ITSN2: variants seen among roughly 807,000 people sequenced by gnomAD.
ITSN2 encodes intersectin 2.
A neutral mutation model predicts 243.7 loss-of-function variants in ITSN2; 156 were observed. The ratio of observed to expected loss-of-function variants is 0.64; its 90% CI spans 0.56 to 0.73. The LOEUF is 0.73. Among genes scored for constraint, ITSN2 ranks in the 30% least tolerant of loss-of-function variants. The probability of loss-of-function intolerance (pLI) is 0.00; values close to 1 mark genes in which losing one functional copy is unlikely to be tolerated. For synonymous variants in ITSN2, 703 were observed against 699.9 expected (o/e 1.00, Z -0.07); for missense variants, 1,801 against 1,996.1 (o/e 0.90, Z 1.86).
intron 31 of ITSN2, among the ~76,000 whole-genome samples, chr2:24,217,008 C>T (rs1670022512): frequency 6.6e-6 from 1 of 151,684 alleles, no homozygotes; most frequent in African/African-American, 2.4e-5. Context: ...GGCGTGAACC[C>T]GGGAGGCGGA....
Position 24,249,790 on chromosome 2 carries a change from C to T in ITSN2, c.3121-908G>A, listed in dbSNP as rs1247980166. Among the ~76,000 whole-genome samples, 5 of 152,222 alleles carry T rather than the reference C, an allele frequency of 3.3e-5. No homozygotes were observed. The highest frequency in any genetic ancestry group is 1.3e-4 in the Admixed American group (2 of 15,284). The stretch of plus-strand genomic sequence containing the variant: ...CAACCCAGGCAGTCTGATTCTACTA[C>T]ACCAATGGCTCTCAGCATGTGGTTT... On this transcript the variant is annotated intron_variant, in intron 25 of 39. Coordinates refer to ENST00000355123, the MANE Select transcript of ITSN2 (RefSeq NM_006277.3). This position sits in a 1 kb window ranked among gnomAD's most constrained non-coding sequence, Gnocchi z 4.4.
chr2:24,212,528 G>A (rs773487006), intron 33 of ITSN2, 122 bp downstream of exon 33: 2 of 678,784 alleles, frequency 2.9e-6, no homozygotes, highest in Non-Finnish European at 5.0e-6. Context: ...GATCACTTGT[G>A]CGGTGTCACA....
intron 17 of ITSN2, among the ~76,000 whole-genome samples, chr2:24,278,833 G>A (rs182731637): frequency 6.6e-6 from 1 of 151,818 alleles, no homozygotes; most frequent in African/African-American, 2.4e-5. Flanking sequence ...TGCATTTTTA[G>A]TAGAGACGGG....
At chr2:24,245,454 G>A (rs1364726144) in intron 29 of ITSN2, among the ~76,000 whole-genome samples, 1 of 151,918 alleles carries the variant, frequency 6.6e-6, no homozygotes, top group African/African-American at 2.4e-5. Flanking sequence ...TTTTGAATAG[G>A]TGAATAGGGT....
At chr2:24,339,825 A>G (rs1686847396) in intron 1 of ITSN2, among the ~76,000 whole-genome samples, 2 of 152,094 alleles carry the variant, frequency 1.3e-5, no homozygotes, top group South Asian at 4.2e-4. Flanking sequence ...CTAGGAGCTC[A>G]AGACTAGCCT....
intron 28 of ITSN2, 103 bp from the exon 29 acceptor site, chr2:24,246,423 T>C: frequency 1.6e-6 from 1 of 611,622 alleles, no homozygotes; most frequent in Non-Finnish European, 2.5e-6. Context: ...TAATATTAAA[T>C]ATTAAAATTA....
Position 24,301,209 on chromosome 2 carries a change from T to C in ITSN2, c.1026A>G (p.Gly342=). The C allele has an allele frequency of 6.2e-7, 1 of 1,609,090 alleles. No individual in the cohort carries two copies. Among genetic ancestry groups the C allele is most frequent in the Non-Finnish European group, 8.5e-7 (1 of 1,176,986 alleles). The change falls in exon 11 of 40, where the codon GGA becomes GGG. Residue 342 remains glycine (G), a synonymous_variant. Coordinates refer to ENST00000355123, the MANE Select transcript of ITSN2 (RefSeq NM_006277.3). ...GCATTTTCTGATATGAAGGCAGAGT[T>C]CCATTAATGGAATCAATTTGCTTTC... ...RGGKQIDSIN[G]TLPSYQKMQE...
intron 29 of ITSN2, among the ~76,000 whole-genome samples, chr2:24,226,034 T>G (rs1670997961): frequency 6.6e-6 from 1 of 152,228 alleles, no homozygotes; most frequent in South Asian, 2.1e-4. Context: ...ACATTACACA[T>G]CGTCTAACTG....
chr2:24,257,744 A>T, intron 23 of ITSN2, 144 bp downstream of exon 23: 1 of 686,206 alleles, frequency 1.5e-6, no homozygotes, highest in Non-Finnish European at 2.4e-6. Flanking sequence ...GGTGTGAGCC[A>T]CCACGGCCGG....
intron 5 of ITSN2, 80 bp from the exon 6 acceptor site, chr2:24,310,772 G>A: frequency 9.2e-7 from 1 of 1,089,846 alleles, no homozygotes; most frequent in Non-Finnish European, 1.4e-6. Flanking sequence ...TTACAGTACA[G>A]TGGGCAGACT....
At chr2:24,224,790 C>G (rs1013574107) in intron 29 of ITSN2, among the ~76,000 whole-genome samples, 6 of 152,182 alleles carry the variant, frequency 3.9e-5, no homozygotes, top group African/African-American at 1.4e-4. Flanking sequence ...CCACCACACC[C>G]AGCTAATTTT....
intron 37 of ITSN2, among the ~76,000 whole-genome samples, chr2:24,206,785 C>T (rs1363127422): frequency 6.6e-6 from 1 of 152,078 alleles, no homozygotes; most frequent in Non-Finnish European, 1.5e-5. Flanking sequence ...CAAGCAGAGG[C>T]AACAGAGGAT....
chr2:24,328,098 T>C lies in ITSN2; in HGVS notation c.-16A>G. The C allele has an allele frequency of 6.2e-7, 1 of 1,613,698 alleles. No homozygotes were observed. On this transcript the variant is annotated 5_prime_UTR_variant, in exon 2 of 40. Coordinates refer to ENST00000355123, the MANE Select transcript of ITSN2 (RefSeq NM_006277.3). ...GAGCCATCATGGTCCTGAGTTTTCC[T>C]TGCTAGCTCTCAGCCATCTGCAACA...
Position 24,257,954 on chromosome 2 carries a change from C to G in ITSN2, c.2822G>C (p.Gly941Ala). Residue 941 changes from glycine to alanine, a missense_variant, in exon 23 of 40, where the codon GGA becomes GCA. Gly to Ala is a moderately conservative substitution (Grantham distance 60). Coordinates refer to ENST00000355123, the MANE Select transcript of ITSN2 (RefSeq NM_006277.3). ...QENWWFGEVHGGRGWFPKSYV... is the reference protein window; with the variant it reads ...QENWWFGEVHAGRGWFPKSYV... Reference sequence around the variant, plus strand: ...AGATTTGGGAAACCATCCTCTTCCTCCATGCACCTCCCCAAACCACCAATT... The same window carrying G: ...AGATTTGGGAAACCATCCTCTTCCTGCATGCACCTCCCCAAACCACCAATT... The G allele has an allele frequency of 6.2e-7, 1 of 1,614,132 alleles. No individual in the cohort carries two copies.
chr2:24,319,503 T>C (rs1684303385), intron 2 of ITSN2, among the ~76,000 whole-genome samples: 1 of 151,980 alleles, frequency 6.6e-6, no homozygotes, highest in Non-Finnish European at 1.5e-5. Context: ...CCCCAGAAAA[T>C]GTATCTCCTG....
At chr2:24,310,793 C>CA (rs1318284977) in intron 5 of ITSN2, 101 bp from the exon 6 acceptor site, 3 of 868,716 alleles carry the variant, frequency 3.5e-6, no homozygotes, top group Admixed American at 2.4e-5. Context: ...CTATGTTTAC[C>CA]AAAACACACA....
At chr2:24,333,175 G>A (rs922488022) in intron 1 of ITSN2, among the ~76,000 whole-genome samples, 3 of 152,282 alleles carry the variant, frequency 2.0e-5, no homozygotes, top group Middle Eastern at 6.8e-3. Flanking sequence ...AACTTCCCAT[G>A]GGCTTTATCT....
intron 29 of ITSN2, among the ~76,000 whole-genome samples, chr2:24,230,261 A>G (rs1249244441): frequency 1.3e-5 from 2 of 152,112 alleles, no homozygotes; most frequent in Admixed American, 6.6e-5. Flanking sequence ...CACACTTCAC[A>G]TTCAATCCAC....
chr2:24,301,810 G>A (rs1681785207), intron 10 of ITSN2, among the ~76,000 whole-genome samples, 155 bp downstream of exon 10: 1 of 152,162 alleles, frequency 6.6e-6, no homozygotes, highest in African/African-American at 2.4e-5. Flanking sequence ...GGCGTAAGCT[G>A]CCACGCCTGG....
Sources: gnomAD v4.1 joint callset for allele counts (sites outside exome capture counted in the v4.1 genomes callset) on GRCh38, gnomAD v4.1.1 for gene constraint, Gnocchi (gnomAD v3.1) non-coding constraint, MANE v1.5 for transcripts, NCBI Gene and HGNC (gene_info 2026-07-23, HGNC 2026-07-21) for gene names.